The following CCDC124 variants were observed in gnomAD, a reference collection of about 807,000 sequenced individuals.
CCDC124 encodes coiled-coil domain containing 124.
In CCDC124, 9 loss-of-function variants were observed where a neutral mutation model predicts 19.8. The observed-to-expected ratio is 0.45, with a 90% confidence interval of 0.27 to 0.79. The LOEUF (loss-of-function observed/expected upper bound fraction) is 0.79. Among genes scored for constraint, CCDC124 ranks in the 30% least tolerant of loss-of-function variants. The probability of loss-of-function intolerance (pLI) is 0.14; values close to 1 mark genes in which losing one functional copy is unlikely to be tolerated. For synonymous variants in CCDC124, 126 were observed against 131.3 expected, an observed-to-expected ratio of 0.96 and a Z score of 0.27; for missense variants, 285 against 319.0, an observed-to-expected ratio of 0.89 and a Z score of 0.81.
intron 1 of CCDC124, 25 bp from the exon 2 acceptor site, chr19:17,936,385 C>T: frequency 6.3e-7 from 1 of 1,588,328 alleles, no homozygotes; most frequent in African/African-American, 1.3e-5. Flanking sequence ...GCCCCTGCTC[C>T]CCCATCCCCA....
rs1180209893 is a variant in CCDC124 at position 17,942,536 on chromosome 19, C to A, written c.160-120C>A. 2.6e-6 allele frequency: 3 copies of A among 1,156,628 alleles called. No individual in the cohort carries two copies. The African/African-American group carries it at 4.6e-5, about 18-fold the overall frequency. 71.6% of individuals were successfully genotyped at this position (1,156,628 alleles called of 1,614,324 possible). On this transcript the variant is annotated intron_variant, in intron 2 of 4. Coordinates refer to ENST00000445755, the MANE Select transcript of CCDC124 (RefSeq NM_001136203.2). This position sits in a 1 kb window ranked among gnomAD's most constrained non-coding sequence, Gnocchi z 4.2. The stretch of plus-strand genomic sequence containing the variant: ...GGGACCTATCTTGTTCCTGGTATGT[C>A]CCCTGCACCCAGCACAGAGCCTAAA...
chr19:17,943,136 TC>T (rs2031224234), intron 3 of CCDC124, 124 bp from the exon 4 acceptor site: 10 of 840,702 alleles, frequency 1.2e-5, no homozygotes, highest in East Asian at 1.1e-4. Flanking sequence ...CGCGATTCCA[TC>T]CCCCCTCATC....
At position 17,943,835 on chromosome 19, in the gene CCDC124, G is replaced by A. The variant is rs2031249666; in HGVS notation, c.*120G>A. Reference sequence around the variant, plus strand: ...TCCGGGGGCCAAGGCGCCGGGCCCCGGGGCCATGCTCTTATCACCAGCCAC... The same window carrying A: ...TCCGGGGGCCAAGGCGCCGGGCCCCAGGGCCATGCTCTTATCACCAGCCAC... On this transcript the variant is annotated 3_prime_UTR_variant, in exon 5 of 5. Coordinates refer to ENST00000445755, the MANE Select transcript of CCDC124 (RefSeq NM_001136203.2). 1.0e-6 allele frequency: 1 copy of A among 960,544 alleles called. No individual in the cohort carries two copies. The highest frequency in any genetic ancestry group is 1.6e-6 in the Non-Finnish European group (1 of 639,320). 59.5% of individuals were successfully genotyped at this position (960,544 alleles called of 1,614,324 possible).
At position 17,942,688 on chromosome 19, in the gene CCDC124, G is replaced by A; in HGVS notation, c.192G>A (p.Leu64=). ...AGGAGAAGCGGCGCCTCGACCAGCT[G>A]GAACGTAAGAAGGAGACGCAGCGCC... ...EEKEKRRLDQ[L]ERKKETQRLL... The change falls in exon 3 of 5, where the codon CTG becomes CTA. Residue 64 remains leucine, a synonymous_variant. Coordinates refer to ENST00000445755, the MANE Select transcript of CCDC124 (RefSeq NM_001136203.2). The surrounding 1 kb of genome is among the most constrained non-coding windows in gnomAD (Gnocchi z 4.2). The A allele has an allele frequency of 1.3e-6, 2 of 1,556,670 alleles. No homozygotes were observed. The highest frequency in any genetic ancestry group is 1.7e-6 in the Non-Finnish European group (2 of 1,150,242).
chr19:17,943,141 C>A, intron 3 of CCDC124, 120 bp from the exon 4 acceptor site: 3 of 865,860 alleles, frequency 3.5e-6, no homozygotes, highest in South Asian at 3.0e-5. Flanking sequence ...TTCCATCCCC[C>A]CTCATCTCTC....
intron 2 of CCDC124, among the ~76,000 whole-genome samples, chr19:17,940,653 C>T (rs2031157678): frequency 6.6e-6 from 1 of 150,782 alleles, no homozygotes; most frequent in African/African-American, 2.4e-5. Flanking sequence ...GTAATCCCAG[C>T]TATTCCGGAG....
At position 17,943,863 on chromosome 19, in the gene CCDC124, GTCC is replaced by G; in HGVS notation, c.*152_*154del. On this transcript the variant is annotated 3_prime_UTR_variant, in exon 5 of 5. Transcript: ENST00000445755. ...GCCATGCTCTTATCACCAGCCACCCGTCCTCCCGCCAGAGGGTCCCTGCCCCGA... is the reference window on the plus strand; with the variant it reads ...GCCATGCTCTTATCACCAGCCACCCGTCCCGCCAGAGGGTCCCTGCCCCGA... 2 of 733,390 alleles carry G rather than the reference GTCC, an allele frequency of 2.7e-6. No individual in the cohort carries two copies. Among genetic ancestry groups the G allele is most frequent in the Non-Finnish European group, 4.5e-6 (2 of 448,634 alleles). 45.4% of individuals were successfully genotyped at this position (733,390 alleles called of 1,614,324 possible).
At chr19:17,940,956 A>G (rs569868168) in intron 2 of CCDC124, among the ~76,000 whole-genome samples, 2 of 151,890 alleles carry the variant, frequency 1.3e-5, no homozygotes, top group East Asian at 3.9e-4. Flanking sequence ...CTGAGGCAGG[A>G]GAATGGCATG....
chr19:17,934,749 C>T (rs1263592595), intron 1 of CCDC124, among the ~76,000 whole-genome samples: 1 of 151,474 alleles, frequency 6.6e-6, no homozygotes, highest in African/African-American at 2.4e-5. Flanking sequence ...CGCCACTGCA[C>T]TCCAGCCTGG....
chr19:17,943,305 G>T lies in CCDC124; in HGVS notation c.394G>T (p.Val132Leu). The T allele has an allele frequency of 1.3e-6, 2 of 1,499,292 alleles. No individual in the cohort carries two copies. Among genetic ancestry groups the T allele is most frequent in the Non-Finnish European group, 8.9e-7 (1 of 1,118,140 alleles). The allele number at this position is 1,499,292 out of a possible 1,614,324, so 92.9% of individuals were successfully genotyped here. A position where few individuals can be genotyped will look rare whatever the true frequency, so the allele number is the denominator to read the frequency against. The part of the protein sequence containing the change: ...SHLEVPLEEN[V>L]NRRVLEEGSV... ...TCTGGAGGTGCCGCTGGAGGAGAAC[G>T]TGAACCGCCGCGTGCTGGAGGAGGG... Residue 132 changes from valine to leucine, a missense_variant, in exon 4 of 5, where the codon GTG (valine) becomes TTG (leucine). Physicochemically the swap from Val to Leu is conservative, Grantham distance 32. Coordinates refer to ENST00000445755, the MANE Select transcript of CCDC124 (RefSeq NM_001136203.2).
rs1436865372 is a variant in CCDC124 at position 17,943,403 on chromosome 19, CA to C, written c.464+29del. ...AACGGGGCGGGGCCTGGGGCTTTCC[CA>C]GGGGTGGAGCTGGTCATCGGGGGCG... is the stretch of plus-strand genomic sequence containing the variant. On this transcript the variant is annotated intron_variant, in intron 4 of 4. Transcript: ENST00000445755. 2.6e-6 allele frequency: 4 copies of C among 1,522,332 alleles called. No individual in the cohort carries two copies. The East Asian group carries it at 9.5e-5, about 36-fold the overall frequency. 94.3% of individuals were successfully genotyped at this position (1,522,332 alleles called of 1,614,324 possible).
At chr19:17,937,746 G>C (rs1455809712) in intron 2 of CCDC124, among the ~76,000 whole-genome samples, 1 of 151,898 alleles carries the variant, frequency 6.6e-6, no homozygotes, top group Non-Finnish European at 1.5e-5. Context: ...TTTTGTTGTT[G>C]TTGTTGAGAC....
chr19:17,943,342 C>G lies in CCDC124; in HGVS notation c.431C>G (p.Ala144Gly). 2 of 1,369,022 alleles carry G rather than the reference C, an allele frequency of 1.5e-6. No individual in the cohort carries two copies. Among genetic ancestry groups the G allele is most frequent in the South Asian group, 2.4e-5 (2 of 84,748 alleles). The allele number at this position is 1,369,022 out of a possible 1,614,324, so 84.8% of individuals were successfully genotyped here. ...GTGCTGGAGGAGGGCAGCGTGGAGGCGCGCACCATCGAGGACGCCATTGCA... is the reference window on the plus strand; with the variant it reads ...GTGCTGGAGGAGGGCAGCGTGGAGGGGCGCACCATCGAGGACGCCATTGCA... ...RRVLEEGSVE[A>G]RTIEDAIAVL... The change falls in exon 4 of 5, where the codon GCG becomes GGG. Residue 144 changes from alanine (A) to glycine (G), a missense_variant. Transcript: ENST00000445755.
chr19:17,943,426 G>A, intron 4 of CCDC124, 51 bp downstream of exon 4: 1 of 1,549,358 alleles, frequency 6.5e-7, no homozygotes. Context: ...GGTCATCGGG[G>A]GCGGGGCTAC....
At chr19:17,936,607 C>T (rs1013053085) in intron 2 of CCDC124, 28 bp downstream of exon 2, 5 of 1,597,548 alleles carry the variant, frequency 3.1e-6, no homozygotes, top group Non-Finnish European at 4.3e-6. Context: ...CCCCGCGGCC[C>T]GCATGCCTTG....
Position 17,942,410 on chromosome 19 carries a change from G to A in CCDC124, c.160-246G>A. Among the ~76,000 whole-genome samples the A allele has an allele frequency of 6.6e-6, 1 of 152,158 alleles. No individual in the cohort carries two copies. The highest frequency in any genetic ancestry group is 1.9e-4 in the East Asian group (1 of 5,196). The stretch of plus-strand genomic sequence containing the variant: ...TGTTCCCCAGCTCTCCCCCTTGGCC[G>A]GCGCTCTTCGCACCTAGGAGCGTCA... On this transcript the variant is annotated intron_variant, in intron 2 of 4. Transcript: ENST00000445755. This position sits in a 1 kb window ranked among gnomAD's most constrained non-coding sequence, Gnocchi z 4.2.
At position 17,942,239 on chromosome 19, in the gene CCDC124, A is replaced by G. The variant is rs2031199889; in HGVS notation, c.160-417A>G. 1.3e-5 allele frequency among the ~76,000 whole-genome samples: 2 copies of G among 152,088 alleles called. No individual in the cohort carries two copies. Among genetic ancestry groups the G allele is most frequent in the East Asian group, 3.9e-4 (2 of 5,174 alleles). ...ACATGAACCCCTCCCTGGCCCCCAGAGGCTCCGCATGGCCCAGCCGTCTCC... is the reference window on the plus strand; with the variant it reads ...ACATGAACCCCTCCCTGGCCCCCAGGGGCTCCGCATGGCCCAGCCGTCTCC... On this transcript the variant is annotated intron_variant, in intron 2 of 4. Coordinates refer to ENST00000445755, the MANE Select transcript of CCDC124 (RefSeq NM_001136203.2). This position sits in a 1 kb window ranked among gnomAD's most constrained non-coding sequence, Gnocchi z 4.2.
At chr19:17,933,368 C>G (rs930949372) in intron 1 of CCDC124, among the ~76,000 whole-genome samples, 1 of 152,174 alleles carries the variant, frequency 6.6e-6, no homozygotes, top group East Asian at 1.9e-4. Flanking sequence ...TGGGGGACTT[C>G]AAAAGGGATA....
At position 17,942,944 on chromosome 19, in the gene CCDC124, G is replaced by C. The variant is rs2031219870; in HGVS notation, c.349+99G>C. On this transcript the variant is annotated intron_variant, in intron 3 of 4. Coordinates refer to ENST00000445755, the MANE Select transcript of CCDC124 (RefSeq NM_001136203.2). This position sits in a 1 kb window ranked among gnomAD's most constrained non-coding sequence, Gnocchi z 4.2. ...CCTCCTGGCCCCCAGAGAAGCTGCC[G>C]GGGCTCCACGTGGTGCAGGGTGGGT... The C allele has an allele frequency of 8.0e-6, 11 of 1,377,632 alleles. No individual in the cohort carries two copies. In the South Asian group the frequency reaches 1.4e-4, roughly 17 times the overall value. The allele number at this position is 1,377,632 out of a possible 1,614,324, so 85.3% of individuals were successfully genotyped here.
Sources: allele counts gnomAD v4.1 joint callset (sites outside exome capture counted in the v4.1 genomes callset), GRCh38; gene constraint gnomAD v4.1.1; non-coding constraint Gnocchi (gnomAD v3.1); transcripts MANE v1.5; gene names NCBI Gene and HGNC (gene_info 2026-07-23, HGNC 2026-07-21).